BRWD1: variants seen among roughly 807,000 people sequenced by gnomAD.
The protein encoded by BRWD1 is bromodomain and WD repeat domain containing 1, also known as bromodomain and WD repeat-containing protein 1.
BRWD1 carries 82 observed loss-of-function variants against 251.2 expected under a neutral mutation model. That is an observed-to-expected ratio of 0.33 (90% CI 0.27 to 0.39). The LOEUF is 0.39. Among genes scored for constraint, BRWD1 ranks in the 10% least tolerant of loss-of-function variants. The probability of loss-of-function intolerance (pLI) is 1.00; values close to 1 mark genes in which losing one functional copy is unlikely to be tolerated. For synonymous variants in BRWD1, 918 were observed against 902.8 expected (o/e 1.02, Z -0.30); for missense variants, 2,233 against 2,711.6 (o/e 0.82, Z 3.92).
intron 29 of BRWD1, among the ~76,000 whole-genome samples, chr21:39,221,708 G>T (rs1245465179): frequency 6.6e-6 from 1 of 152,156 alleles, no homozygotes; most frequent in African/African-American, 2.4e-5. Flanking sequence ...GGCCAACGCA[G>T]GCATATCACT....
intron 15 of BRWD1, among the ~76,000 whole-genome samples, 172 bp downstream of exon 15, chr21:39,269,727 C>CATGT (rs1207479661): frequency 6.6e-6 from 1 of 152,110 alleles, no homozygotes; most frequent in Non-Finnish European, 1.5e-5. Flanking sequence ...CAGAGAATTT[C>CATGT]ATGTATGTAC....
At chr21:39,306,911 T>A (rs1250094141) in intron 4 of BRWD1, among the ~76,000 whole-genome samples, 3 of 152,234 alleles carry the variant, frequency 2.0e-5, no homozygotes, top group African/African-American at 7.2e-5. Context: ...CGGAGTGCAA[T>A]GGCTTGATCT....
chr21:39,194,789 G>A lies in BRWD1; in HGVS notation c.*1470C>T, dbSNP rs1292223200. On this transcript the variant is annotated 3_prime_UTR_variant, in exon 41 of 41. Transcript: ENST00000342449. ...ACAATTAGGGCTAATAAATAACATT[G>A]TCTAATATTGATACCAGTCTGATGC... The A allele has an allele frequency of 2.0e-6, 3 of 1,534,624 alleles. No homozygotes were observed. The highest frequency in any genetic ancestry group is 2.0e-5 in the Admixed American group (1 of 50,924).
intron 10 of BRWD1, among the ~76,000 whole-genome samples, chr21:39,277,900 G>A (rs1029234524): frequency 6.6e-6 from 1 of 152,108 alleles, no homozygotes; most frequent in African/African-American, 2.4e-5. Flanking sequence ...CCAGGCTGGA[G>A]TGCAGTGGTG....
chr21:39,247,969 G>A (rs2034255212), intron 20 of BRWD1, 137 bp from the exon 21 acceptor site: 2 of 1,049,164 alleles, frequency 1.9e-6, no homozygotes, highest in African/African-American at 1.6e-5. Context: ...TAGCATTTTT[G>A]CCATACAGTT....
intron 28 of BRWD1, among the ~76,000 whole-genome samples, 197 bp downstream of exon 28, chr21:39,224,889 G>A (rs1309505022): frequency 6.6e-6 from 1 of 152,162 alleles, no homozygotes; most frequent in Non-Finnish European, 1.5e-5. Context: ...AAAGCAAGCA[G>A]AACCTGAACC....
In BRWD1 at chr21:39,187,518, T is replaced by C. The variant is rs941372334; in HGVS notation, c.*8741A>G. On this transcript the variant is annotated 3_prime_UTR_variant, in exon 41 of 41. Coordinates refer to ENST00000342449, the MANE Select transcript of BRWD1 (RefSeq NM_033656.4). Reference sequence around the variant, plus strand: ...ACAACACTCATTCGGAAACAATAAATTTAAAAGTCATATTGCTAAATGATA... The same window carrying C: ...ACAACACTCATTCGGAAACAATAAACTTAAAAGTCATATTGCTAAATGATA... The C allele has an allele frequency of 3.5e-6, 5 of 1,426,230 alleles. No individual in the cohort carries two copies. Among genetic ancestry groups the C allele is most frequent in the East Asian group, 2.5e-5 (1 of 40,164 alleles). 88.3% of individuals were successfully genotyped at this position (1,426,230 alleles called of 1,614,324 possible). A position where few individuals can be genotyped will look rare whatever the true frequency, so the allele number is the denominator to read the frequency against.
chr21:39,286,176 G>A (rs1443531610), intron 8 of BRWD1, among the ~76,000 whole-genome samples: 3 of 151,960 alleles, frequency 2.0e-5, no homozygotes, highest in Non-Finnish European at 2.9e-5. Context: ...CACCATGCTC[G>A]GCTAATGTTG....
rs1261454346 is a variant in BRWD1 at position 39,203,065 on chromosome 21, T to C, written c.4365-520A>G. ...ATCTAACTGCACCCATTCACCATGG[T>C]TGGCCACTAGGCCAGGAATTATGAG... is the stretch of plus-strand genomic sequence containing the variant. On this transcript the variant is annotated intron_variant, in intron 37 of 40. Transcript: ENST00000342449. Among the ~76,000 whole-genome samples, 4 of 152,254 alleles carry C rather than the reference T, an allele frequency of 2.6e-5. No homozygotes were observed. The South Asian group carries it at 6.2e-4, about 24-fold the overall frequency.
Position 39,249,915 on chromosome 21 carries a change from GGT to G in BRWD1, c.2349+879_2349+880del, listed in dbSNP as rs368656743. Among the ~76,000 whole-genome samples the G allele has an allele frequency of 4.9e-3, 336 of 68,602 alleles. 2 individuals carry two copies. Among genetic ancestry groups the G allele is most frequent in the Middle Eastern group, 7.2e-3 (1 of 138 alleles). 45.0% of individuals were successfully genotyped at this position (68,602 alleles called of 152,430 possible). A position where few individuals can be genotyped will look rare whatever the true frequency, so the allele number is the denominator to read the frequency against. On this transcript the variant is annotated intron_variant, in intron 20 of 40. Coordinates refer to ENST00000342449, the MANE Select transcript of BRWD1 (RefSeq NM_033656.4). ...GAACCAAGATCAAAAAAAGAAGGGG[GGT>G]GTGTGTGTGTGTGTGTGTGTGTGTG... is the stretch of plus-strand genomic sequence containing the variant.
chr21:39,293,684 G>C (rs980287717), intron 8 of BRWD1, 127 bp downstream of exon 8: 7 of 708,648 alleles, frequency 9.9e-6, no homozygotes, highest in Non-Finnish European at 1.6e-5. Flanking sequence ...TTGTATGAAT[G>C]ATTATCACTT....
chr21:39,318,065 A>G (rs1023262458), upstream of BRWD1, among the ~76,000 whole-genome samples: 1 of 152,134 alleles, frequency 6.6e-6, no homozygotes, highest in Admixed American at 6.6e-5. Flanking sequence ...AGAATGAGGA[A>G]CTAAGGCTAA....
At chr21:39,302,311 T>C (rs2036145708) in intron 4 of BRWD1, among the ~76,000 whole-genome samples, 1 of 151,850 alleles carries the variant, frequency 6.6e-6, no homozygotes, top group African/African-American at 2.4e-5. Flanking sequence ...AATAACAAAA[T>C]AAGTTCTGCA....
intron 4 of BRWD1, among the ~76,000 whole-genome samples, chr21:39,302,744 G>A (rs1259449060): frequency 1.6e-5 from 2 of 121,868 alleles, no homozygotes; most frequent in Non-Finnish European, 3.3e-5. Flanking sequence ...GACAGAGTGA[G>A]ACTCCGTCTT....
At chr21:39,308,829 G>A (rs1013176232) in intron 4 of BRWD1, among the ~76,000 whole-genome samples, 3 of 152,196 alleles carry the variant, frequency 2.0e-5, no homozygotes, top group Non-Finnish European at 4.4e-5. Context: ...TTGGTCTCCA[G>A]TAAATCAATG....
intron 13 of BRWD1, among the ~76,000 whole-genome samples, chr21:39,272,646 C>T (rs1314430950): frequency 4.9e-5 from 7 of 143,778 alleles, no homozygotes; most frequent in Admixed American, 2.8e-4. Flanking sequence ...CTAGCTCTGT[C>T]GCCCAGGCTG....
intron 7 of BRWD1, among the ~76,000 whole-genome samples, chr21:39,294,395 C>G (rs1447597985): frequency 1.3e-5 from 2 of 152,176 alleles, no homozygotes. Context: ...CAGTGGCTCA[C>G]GCCTGTAATC....
At chr21:39,236,523 AAAC>A in intron 23 of BRWD1, 69 bp downstream of exon 23, 1 of 1,315,560 alleles carries the variant, frequency 7.6e-7, no homozygotes, top group East Asian at 2.5e-5. Flanking sequence ...AGAAATGTTA[AAAC>A]AACATTTGAA....
chr21:39,221,111 C>T (rs192503690), intron 29 of BRWD1, among the ~76,000 whole-genome samples: 2 of 147,160 alleles, frequency 1.4e-5, no homozygotes, highest in Non-Finnish European at 3.0e-5. Context: ...GTGGAGATTG[C>T]GCCACTGCAC....
Sources: gnomAD v4.1 joint callset for allele counts (sites outside exome capture counted in the v4.1 genomes callset) on GRCh38, gnomAD v4.1.1 for gene constraint, MANE v1.5 for transcripts, NCBI Gene and HGNC (gene_info 2026-07-23, HGNC 2026-07-21) for gene names.